The following MYO10 variants were observed in gnomAD, a reference collection of about 807,000 sequenced individuals.
The protein encoded by MYO10 is myosin X, also known as unconventional myosin-X.
MYO10 carries 133 observed loss-of-function variants against 257.3 expected under a neutral mutation model. That is an observed-to-expected ratio of 0.52 (90% confidence interval 0.45 to 0.60). The LOEUF (loss-of-function observed/expected upper bound fraction) is 0.60. Among genes scored for constraint, MYO10 ranks in the 20% least tolerant of loss-of-function variants. The pLI, the probability that MYO10 is intolerant of heterozygous loss-of-function variation, is 0.00. For synonymous variants in MYO10, 1,104 were observed against 1,028.6 expected, an observed-to-expected ratio of 1.07 and a Z score of -1.40; for missense variants, 2,399 against 2,635.7, an observed-to-expected ratio of 0.91 and a Z score of 1.97.
At chr5:16,867,006 C>T (rs1019760365) in intron 2 of MYO10, among the ~76,000 whole-genome samples, 1 of 152,224 alleles carries the variant, frequency 6.6e-6, no homozygotes, top group Admixed American at 6.5e-5. Context: ...TCGGGCTCCA[C>T]ATACAAGGAA....
intron 4 of MYO10, 146 bp from the exon 5 acceptor site, chr5:16,783,615 G>A (rs1579986657): frequency 2.1e-6 from 2 of 931,248 alleles, no homozygotes; most frequent in East Asian, 5.3e-5. Context: ...CCAAAGAGCT[G>A]AGTTAAAAGA....
intron 1 of MYO10, among the ~76,000 whole-genome samples, chr5:16,900,989 C>G (rs1026836083): frequency 6.6e-6 from 1 of 152,178 alleles, no homozygotes; most frequent in Non-Finnish European, 1.5e-5. Context: ...ATTCACCCAC[C>G]TCGGCCTCCC....
At chr5:16,838,050 T>C (rs1743365938) in intron 2 of MYO10, among the ~76,000 whole-genome samples, 2 of 152,126 alleles carry the variant, frequency 1.3e-5, no homozygotes, top group Admixed American at 1.3e-4. Context: ...TCCCTGTCTC[T>C]CTCCCTCTCC....
chr5:16,735,324 GGA>G (rs1186759986), intron 19 of MYO10, among the ~76,000 whole-genome samples: 2 of 152,196 alleles, frequency 1.3e-5, no homozygotes, highest in African/African-American at 4.8e-5. Flanking sequence ...TCAGGCTAAT[GGA>G]GAGAGCTGTA....
At chr5:16,705,412 T>A (rs1168490813) in intron 21 of MYO10, among the ~76,000 whole-genome samples, 1 of 152,222 alleles carries the variant, frequency 6.6e-6, no homozygotes, top group Non-Finnish European at 1.5e-5. Context: ...AATAAGTGTG[T>A]CAGGTAATTG....
At chr5:16,747,918 CAAAAA>C (rs777257950) in intron 19 of MYO10, among the ~76,000 whole-genome samples, 4 of 30,478 alleles carry the variant, frequency 1.3e-4, no homozygotes, top group Admixed American at 7.3e-4. Context: ...AACTCCGTCT[CAAAAA>C]AAAAAAAAAA....
chr5:16,935,728 G>A, intron 1 of MYO10, 60 bp downstream of exon 1: 1 of 1,604,130 alleles, frequency 6.2e-7, no homozygotes, highest in Non-Finnish European at 8.5e-7. Flanking sequence ...GCGCGGCGTG[G>A]TGGGCAGACG....
chr5:16,839,134 A>G (rs914564702), intron 2 of MYO10, among the ~76,000 whole-genome samples: 18 of 152,172 alleles, frequency 1.2e-4, no homozygotes, highest in Admixed American at 3.9e-4. Context: ...TAAGGAATGC[A>G]TTTCATAAGC....
intron 19 of MYO10, among the ~76,000 whole-genome samples, chr5:16,714,924 T>G (rs370392497): frequency 6.6e-6 from 1 of 152,194 alleles, no homozygotes; most frequent in Non-Finnish European, 1.5e-5. Flanking sequence ...AGGGTGACTA[T>G]AGCCAATGAT....
chr5:16,706,988 G>C (rs1738375333), intron 21 of MYO10, among the ~76,000 whole-genome samples: 1 of 152,164 alleles, frequency 6.6e-6, no homozygotes, highest in South Asian at 2.1e-4. Context: ...ATTCCTATGT[G>C]TCATGGGAGG....
At chr5:16,727,363 GT>G (rs200159936) in intron 19 of MYO10, among the ~76,000 whole-genome samples, 1,742 of 152,234 alleles carry the variant, frequency 0.011, 17 homozygotes, top group Non-Finnish European at 0.019. Flanking sequence ...TTACAATTTT[GT>G]TTGATACCTG....
intron 2 of MYO10, among the ~76,000 whole-genome samples, chr5:16,844,958 A>G (rs942284323): frequency 4.0e-5 from 6 of 150,216 alleles, no homozygotes; most frequent in Admixed American, 6.6e-5. Flanking sequence ...ACACACGCAC[A>G]CACACACACA....
intron 2 of MYO10, among the ~76,000 whole-genome samples, chr5:16,834,212 C>T (rs1321715889): frequency 2.0e-5 from 3 of 152,148 alleles, no homozygotes; most frequent in Non-Finnish European, 2.9e-5. Flanking sequence ...TCTCCCACAG[C>T]ACCTTGGACA....
intron 1 of MYO10, among the ~76,000 whole-genome samples, chr5:16,884,386 A>AAAAAAT (rs1326294624): frequency 6.6e-6 from 1 of 152,218 alleles, no homozygotes; most frequent in Non-Finnish European, 1.5e-5. Context: ...CTCTGTCTCC[A>AAAAAAT]AAAAATAAAA....
chr5:16,702,866 C>T, intron 23 of MYO10, 59 bp downstream of exon 23: 1 of 1,445,762 alleles, frequency 6.9e-7, no homozygotes, highest in Non-Finnish European at 9.5e-7. Flanking sequence ...CAGACAGATA[C>T]CGAGCACAGC....
intron 1 of MYO10, among the ~76,000 whole-genome samples, chr5:16,880,092 A>C (rs1744715049): frequency 6.6e-6 from 1 of 152,204 alleles, no homozygotes; most frequent in African/African-American, 2.4e-5. Context: ...AGGCAGGAGA[A>C]TTGCTTGAAA....
At chr5:16,694,299 C>G in intron 27 of MYO10, 72 bp downstream of exon 27, 1 of 1,595,510 alleles carries the variant, frequency 6.3e-7, no homozygotes, top group Non-Finnish European at 8.6e-7. Context: ...GGAACTTGCA[C>G]AGCATGGCTC....
intron 2 of MYO10, among the ~76,000 whole-genome samples, chr5:16,869,719 G>A (rs1310104243): frequency 1.3e-5 from 2 of 151,180 alleles, no homozygotes; most frequent in Non-Finnish European, 2.9e-5. Flanking sequence ...ACAAAAATTA[G>A]CCGGGCGTGC....
chr5:16,668,963 T>A (rs1198001799), intron 39 of MYO10, among the ~76,000 whole-genome samples: 1 of 152,164 alleles, frequency 6.6e-6, no homozygotes, highest in Non-Finnish European at 1.5e-5. Context: ...TTCTGGCTCC[T>A]CTTCACAAGG....
Sources: gnomAD v4.1 joint callset for allele counts (sites outside exome capture counted in the v4.1 genomes callset) on GRCh38, gnomAD v4.1.1 for gene constraint, MANE v1.5 for transcripts, NCBI Gene and HGNC (gene_info 2026-07-23, HGNC 2026-07-21) for gene names.